The following CDHR2 variants were observed in gnomAD, a reference collection of about 807,000 sequenced individuals.
The protein encoded by CDHR2 is cadherin related family member 2, also known as cadherin-related family member 2.
In CDHR2, 104 loss-of-function variants were observed where a neutral mutation model predicts 138.6. That is an observed-to-expected ratio of 0.75 (90% CI 0.64 to 0.88). The LOEUF is 0.88. CDHR2 is among the 40% of genes least tolerant of loss of function. The pLI is 0.00. For missense variants in CDHR2, 1,624 were observed against 1,727.6 expected, an observed-to-expected ratio of 0.94 and a Z score of 1.06; for synonymous variants, 755 against 742.8, an observed-to-expected ratio of 1.02 and a Z score of -0.27.
chr5:176,568,539 T>G, intron 3 of CDHR2, 139 bp from the exon 4 acceptor site: 3 of 847,724 alleles, frequency 3.5e-6, no homozygotes, highest in Non-Finnish European at 5.4e-6. Context: ...ACTTGGCTGA[T>G]GGTTGGGGAG....
Position 176,592,781 on chromosome 5 carries a change from G to A in CDHR2, c.3792+1G>A. On this transcript the variant is annotated splice_donor_variant, in intron 31 of 31. Transcript: ENST00000261944. LOFTEE classifies it high-confidence loss of function. ...GGACAAGAACAGTCAGGAAATCAAG[G>A]CAAGATGGGGGATGAATTGGTGCCT... The A allele has an allele frequency of 6.2e-7, 1 of 1,613,604 alleles. No homozygotes were observed. Among genetic ancestry groups the A allele is most frequent in the Non-Finnish European group, 8.5e-7 (1 of 1,179,680 alleles).
chr5:176,558,470 G>A (rs1352968410), intron 1 of CDHR2, among the ~76,000 whole-genome samples: 13 of 150,306 alleles, frequency 8.6e-5, no homozygotes, highest in East Asian at 5.9e-4. Context: ...TGCAACCTCC[G>A]CCTCCCAGGT....
At chr5:176,568,023 G>A (rs1377401590) in intron 3 of CDHR2, among the ~76,000 whole-genome samples, 9 of 152,264 alleles carry the variant, frequency 5.9e-5, no homozygotes, top group Non-Finnish European at 1.2e-4. Context: ...TCAGAGCCCT[G>A]TGGCGGAGCT....
At chr5:176,563,775 T>C (rs1172357854) in intron 1 of CDHR2, among the ~76,000 whole-genome samples, 4 of 152,206 alleles carry the variant, frequency 2.6e-5, no homozygotes, top group African/African-American at 7.2e-5. Context: ...GGGCCACAAG[T>C]GGGGCCGTTT....
intron 1 of CDHR2, among the ~76,000 whole-genome samples, chr5:176,552,000 G>C (rs183606565): frequency 6.6e-6 from 1 of 152,054 alleles, no homozygotes. Flanking sequence ...GTGAGTCACC[G>C]CGCCCGGTTA....
chr5:176,594,952 G>A (rs1373057224), intron 31 of CDHR2, among the ~76,000 whole-genome samples: 1 of 152,172 alleles, frequency 6.6e-6, no homozygotes, highest in Non-Finnish European at 1.5e-5. Flanking sequence ...ACCAGCCTGT[G>A]GGCAGCGTCC....
Position 176,575,308 on chromosome 5 carries a change from T to C in CDHR2, c.650T>C (p.Phe217Ser). Residue 217 changes from phenylalanine to serine, a missense_variant, in exon 9 of 32, where the codon TTC becomes TCC. By Grantham distance (155) the Phe-to-Ser change is radical. Around this residue, in one of 3 missense-constraint regions of CDHR2, gnomAD observed 1,061 missense variants for 1,136.6 expected, o/e 0.93. Coordinates refer to ENST00000261944, the MANE Select transcript of CDHR2 (RefSeq NM_017675.6). ...CDLGGMYHNTFTIQCSLPVFL... is the reference protein window; with the variant it reads ...CDLGGMYHNTSTIQCSLPVFL... ...TTGGGCGGCATGTACCACAACACCT[T>C]CACCATCCAGTGCTCCCTGCCTGTC... 3.1e-6 allele frequency: 5 copies of C among 1,614,206 alleles called. No individual in the cohort carries two copies. The highest frequency in any genetic ancestry group is 4.2e-6 in the Non-Finnish European group (5 of 1,180,034).
rs2113316320 is a variant in CDHR2 at position 176,584,536 on chromosome 5, G to A, written c.2255G>A (p.Gly752Glu). The A allele has an allele frequency of 6.2e-7, 1 of 1,613,348 alleles. No homozygotes were observed. Among genetic ancestry groups the A allele is most frequent in the Non-Finnish European group, 8.5e-7 (1 of 1,179,548 alleles). Residue 752 changes from glycine to glutamate, a missense_variant, in exon 19 of 32, where the codon GGG (glycine) becomes GAG (glutamate). Physicochemically the swap from Gly to Glu is moderately conservative, Grantham distance 98. Transcript: ENST00000261944. ...ATCCGAGGCTTGGTGCTGGGGGCTG[G>A]GTGGGCTGAGGGCTACCTCCGGCTG... Reference protein sequence around the residue: ...FMIRGLVLGAGWAEGYLRLPP... With the variant: ...FMIRGLVLGAEWAEGYLRLPP...
chr5:176,577,817 G>A lies in CDHR2; in HGVS notation c.1512+19G>A, dbSNP rs775389316. The A allele has an allele frequency of 5.6e-6, 9 of 1,612,394 alleles. No individual in the cohort carries two copies. Among genetic ancestry groups the A allele is most frequent in the South Asian group, 3.3e-5 (3 of 90,900 alleles). ...CATCCACGTGAGTGATGTGGACACA[G>A]TGGGGCTGTGGGGTCCCAGCAAGCG... On this transcript the variant is annotated intron_variant, in intron 14 of 31. Transcript: ENST00000261944.
At chr5:176,565,590 CT>C in intron 2 of CDHR2, 81 bp from the exon 3 acceptor site, 22 of 1,346,534 alleles carry the variant, frequency 1.6e-5, no homozygotes, top group Non-Finnish European at 2.2e-5. Context: ...GCCATAAGGA[CT>C]AGTGTGTGCT....
intron 2 of CDHR2, 128 bp downstream of exon 2, chr5:176,565,532 C>A (rs1758058841): frequency 8.4e-7 from 1 of 1,186,234 alleles, no homozygotes; most frequent in South Asian, 1.3e-5. Flanking sequence ...CTTGGCTAAG[C>A]TGGGGAGGCC....
chr5:176,588,496 AGG>A (rs969637531), intron 21 of CDHR2, among the ~76,000 whole-genome samples: 1 of 128,786 alleles, frequency 7.8e-6, no homozygotes, highest in African/African-American at 3.2e-5. Context: ...TAAGTGTGTG[AGG>A]GTGTGTATGA....
chr5:176,591,396 C>A lies in CDHR2; in HGVS notation c.3654-8C>A. ...GGGCCAGGCAACTTGACCAGGCTTT[C>A]TCTCCAGAGCCAACCCCATGCTGAA... On this transcript the variant is annotated splice_polypyrimidine_tract_variant and splice_region_variant and intron_variant, in intron 29 of 31. Transcript: ENST00000261944. 8.1e-6 allele frequency: 13 copies of A among 1,613,994 alleles called. No homozygotes were observed. The highest frequency in any genetic ancestry group is 1.1e-5 in the Non-Finnish European group (13 of 1,179,920).
chr5:176,587,176 G>A (rs1384724961), intron 21 of CDHR2, among the ~76,000 whole-genome samples: 3 of 152,200 alleles, frequency 2.0e-5, no homozygotes, highest in South Asian at 2.1e-4. Context: ...AGCTGGGCAC[G>A]GTGGCTCAAG....
chr5:176,552,884 A>G, intron 1 of CDHR2, among the ~76,000 whole-genome samples: 1 of 152,218 alleles, frequency 6.6e-6, no homozygotes, highest in South Asian at 2.1e-4. Flanking sequence ...GTCTGTGTGC[A>G]TAAAGGGGAT....
At chr5:176,546,612 TAAAA>T (rs945926527), upstream of CDHR2, among the ~76,000 whole-genome samples, 1 of 151,572 alleles carries the variant, frequency 6.6e-6, no homozygotes, top group African/African-American at 2.4e-5. Flanking sequence ...AAAAAAATAA[TAAAA>T]ATAAAATGAA....
At chr5:176,586,620 G>T (rs766987965) in intron 20 of CDHR2, 173 bp from the exon 21 acceptor site, 51 of 601,310 alleles carry the variant, frequency 8.5e-5, no homozygotes, top group East Asian at 3.9e-4. Context: ...GACAATGGGA[G>T]GTGGATGACT....
At position 176,576,099 on chromosome 5, in the gene CDHR2, G is replaced by A; in HGVS notation, c.1108G>A (p.Val370Met). The A allele has an allele frequency of 1.2e-6, 2 of 1,614,126 alleles. No individual in the cohort carries two copies. Among genetic ancestry groups the A allele is most frequent in the African/African-American group, 2.7e-5 (2 of 75,024 alleles). The change falls in exon 12 of 32, where the codon GTG becomes ATG. Residue 370 changes from valine (V) to methionine (M), a missense_variant. Physicochemically the swap from Val to Met is conservative, Grantham distance 21 (BLOSUM62 1). Coordinates refer to ENST00000261944, the MANE Select transcript of CDHR2 (RefSeq NM_017675.6). This position sits in a 1 kb window ranked among gnomAD's most constrained non-coding sequence, Gnocchi z 4.5. ...ACTFTPEEAQ[V>M]NFTGYVDEHA... ...CACCTTCACCCCCGAAGAGGCCCAA[G>A]TGAACTTCACTGGCTACGTGGACGA...
At position 176,586,831 on chromosome 5, in the gene CDHR2, G is replaced by T. The variant is rs762027095; in HGVS notation, c.2845G>T (p.Ala949Ser). ...ACTCGTGCTGCCCAACCGGGAGGTG[G>T]CTTCTGTCCGGGTAAGTTCTTGGCT... ...PELVLPNREV[A>S]SVRARDDDSG... The change falls in exon 21 of 32, where the codon GCT (alanine) becomes TCT (serine). Residue 949 changes from alanine to serine, a missense_variant. Coordinates refer to ENST00000261944, the MANE Select transcript of CDHR2 (RefSeq NM_017675.6). The T allele has an allele frequency of 6.2e-7, 1 of 1,609,674 alleles. No individual in the cohort carries two copies.
Sources: allele counts gnomAD v4.1 joint callset (sites outside exome capture counted in the v4.1 genomes callset), GRCh38; gene constraint gnomAD v4.1.1; regional missense constraint gnomAD v4.1.1; non-coding constraint Gnocchi (gnomAD v3.1); transcripts MANE v1.5; gene names NCBI Gene and HGNC (gene_info 2026-07-23, HGNC 2026-07-21).